Variants in ZFPM2 observed in about 807,000 individuals in gnomAD.
The protein encoded by ZFPM2 is zinc finger protein ZFPM2.
Under a neutral mutation model 98.6 loss-of-function variants are expected in ZFPM2, and 20 were observed. That is an observed-to-expected ratio of 0.20 (90% CI 0.14 to 0.29). The LOEUF (loss-of-function observed/expected upper bound fraction) is 0.29. ZFPM2 is among the 10% of genes least tolerant of loss of function. The pLI is 1.00. For missense variants in ZFPM2, 1,310 were observed against 1,388.6 expected (o/e 0.94, Z 0.90); for synonymous variants, 518 against 502.7 (o/e 1.03, Z -0.41).
chr8:105,801,558 C>T lies in ZFPM2; in HGVS notation c.1476C>T (p.Phe492=), dbSNP rs370112050. The change falls in exon 8 of 8, where the codon TTC becomes TTT. Residue 492 remains phenylalanine (F), a synonymous_variant. Coordinates refer to ENST00000407775, the MANE Select transcript of ZFPM2 (RefSeq NM_012082.4). The part of the protein sequence containing the change: ...SPVQPNIGPS[F]PVGPFLSQFS... ...TTCAGCCTAATATTGGGCCTTCTTT[C>T]CCTGTGGGCCCTTTCCTATCTCAGT... 2.5e-6 allele frequency: 4 copies of T among 1,613,918 alleles called. No homozygotes were observed. Among genetic ancestry groups the T allele is most frequent in the Non-Finnish European group, 3.4e-6 (4 of 1,179,850 alleles).
At chr8:105,415,603 G>A (rs1251870466) in intron 1 of ZFPM2, among the ~76,000 whole-genome samples, 4 of 151,884 alleles carry the variant, frequency 2.6e-5, no homozygotes, top group African/African-American at 4.8e-5. Context: ...TCCTTCATTG[G>A]TGCTATTAAT....
intron 5 of ZFPM2, among the ~76,000 whole-genome samples, chr8:105,681,498 T>C (rs1810599056): frequency 6.6e-6 from 1 of 152,194 alleles, no homozygotes; most frequent in Non-Finnish European, 1.5e-5. Context: ...TGTGATAAGG[T>C]ACATGATTGT....
chr8:105,802,612 A>G lies in ZFPM2; in HGVS notation c.2530A>G (p.Thr844Ala). ...GTGTTTATCTCAGTCTGAGCGGACG[A>G]CCACGTCTCCCAAAAGGCTGCTGGA... Reference protein sequence around the residue: ...KKCLSQSERTTTSPKRLLDYH... With the variant: ...KKCLSQSERTATSPKRLLDYH... The change falls in exon 8 of 8, where the codon ACC (threonine) becomes GCC (alanine). Residue 844 changes from threonine (T) to alanine (A), a missense_variant. Coordinates refer to ENST00000407775, the MANE Select transcript of ZFPM2 (RefSeq NM_012082.4). The G allele has an allele frequency of 6.2e-7, 1 of 1,610,690 alleles. No individual in the cohort carries two copies. Among genetic ancestry groups the G allele is most frequent in the Non-Finnish European group, 8.5e-7 (1 of 1,178,414 alleles).
chr8:105,563,657 T>C (rs1815185625), intron 4 of ZFPM2, among the ~76,000 whole-genome samples: 1 of 152,192 alleles, frequency 6.6e-6, no homozygotes. Context: ...CTAATGAATG[T>C]TAAGAAAGGC....
chr8:105,694,149 C>T (rs1299479695), intron 5 of ZFPM2, among the ~76,000 whole-genome samples: 1 of 151,408 alleles, frequency 6.6e-6, no homozygotes, highest in African/African-American at 2.4e-5. Flanking sequence ...ACTACGCCGG[C>T]TAATTTTTTT....
At chr8:105,505,107 C>T (rs73304130) in intron 3 of ZFPM2, among the ~76,000 whole-genome samples, 11,630 of 152,100 alleles carry the variant, frequency 0.076, 1,444 homozygotes, top group African/African-American at 0.26. Flanking sequence ...TGAATCCTGA[C>T]TCTTGACCAC....
intron 1 of ZFPM2, among the ~76,000 whole-genome samples, chr8:105,379,753 C>CA (rs5893740): frequency 0.024 from 3,016 of 125,660 alleles, 46 homozygotes; most frequent in Middle Eastern, 0.044. Flanking sequence ...AACTCTGTCT[C>CA]AAAAAAAAAA....
intron 3 of ZFPM2, among the ~76,000 whole-genome samples, chr8:105,550,957 A>T (rs1814838533): frequency 6.6e-6 from 1 of 152,184 alleles, no homozygotes; most frequent in South Asian, 2.1e-4. Flanking sequence ...AAGATATGCG[A>T]TTGTTAATCA....
At chr8:105,634,724 T>A (rs1296901123) in intron 5 of ZFPM2, among the ~76,000 whole-genome samples, 1 of 152,176 alleles carries the variant, frequency 6.6e-6, no homozygotes, top group Non-Finnish European at 1.5e-5. Flanking sequence ...CTTCTAAATT[T>A]AACAATTTGT....
chr8:105,424,312 T>A (rs117554530), intron 2 of ZFPM2, among the ~76,000 whole-genome samples: 1,574 of 152,240 alleles, frequency 0.01, 21 homozygotes, highest in South Asian at 0.062. Flanking sequence ...CAAAGTTGCT[T>A]TGGGAAGACG....
intron 3 of ZFPM2, among the ~76,000 whole-genome samples, chr8:105,496,840 C>T (rs1002898516): frequency 1.7e-4 from 26 of 149,548 alleles, no homozygotes; most frequent in African/African-American, 2.7e-4. Context: ...AAATTAGCTG[C>T]GCGTGGTGGC....
At chr8:105,446,456 C>A (rs1812371743) in intron 3 of ZFPM2, among the ~76,000 whole-genome samples, 1 of 152,078 alleles carries the variant, frequency 6.6e-6, no homozygotes, top group Non-Finnish European at 1.5e-5. Context: ...AAATGCCAAA[C>A]ACATGCTGTA....
At chr8:105,693,980 CTTTTTTTTTTTTT>C (rs376834507) in intron 5 of ZFPM2, among the ~76,000 whole-genome samples, 41 of 118,410 alleles carry the variant, frequency 3.5e-4, no homozygotes, top group East Asian at 4.9e-4. Flanking sequence ...TTTTTCTTTT[CTTTTTTTTTTTTT>C]TTTTTTTTTG....
intron 1 of ZFPM2, among the ~76,000 whole-genome samples, chr8:105,367,046 G>C: frequency 7.5e-6 from 1 of 134,058 alleles, no homozygotes; most frequent in Non-Finnish European, 1.6e-5. Context: ...GGTATGTGGC[G>C]TTATTTCTGA....
intron 5 of ZFPM2, among the ~76,000 whole-genome samples, chr8:105,669,707 C>T (rs1215586353): frequency 6.6e-6 from 1 of 152,036 alleles, no homozygotes; most frequent in Non-Finnish European, 1.5e-5. Context: ...GCAATATTTA[C>T]AAATATTATT....
chr8:105,320,208 A>G (rs1301765437), intron 1 of ZFPM2, among the ~76,000 whole-genome samples: 2 of 151,540 alleles, frequency 1.3e-5, no homozygotes, highest in Non-Finnish European at 2.9e-5. Context: ...TGTCCTTGAA[A>G]TGGGGGCCAG....
chr8:105,748,810 A>G (rs1278210333), intron 5 of ZFPM2, among the ~76,000 whole-genome samples: 3 of 152,104 alleles, frequency 2.0e-5, no homozygotes, highest in Admixed American at 2.0e-4. Flanking sequence ...ATGCATTGAC[A>G]AAGCTGCAGA....
intron 3 of ZFPM2, among the ~76,000 whole-genome samples, chr8:105,483,282 G>A (rs1813160889): frequency 6.6e-6 from 1 of 151,870 alleles, no homozygotes; most frequent in African/African-American, 2.4e-5. Flanking sequence ...TAATAAATTG[G>A]CTATATTAAA....
intron 1 of ZFPM2, among the ~76,000 whole-genome samples, chr8:105,374,135 A>G (rs1396651744): frequency 6.6e-6 from 1 of 152,174 alleles, no homozygotes; most frequent in Non-Finnish European, 1.5e-5. Flanking sequence ...CAATTCAGTA[A>G]TATGTAGGTT....
Sources: gnomAD v4.1 joint callset for allele counts (sites outside exome capture counted in the v4.1 genomes callset) on GRCh38, gnomAD v4.1.1 for gene constraint, MANE v1.5 for transcripts, NCBI Gene and HGNC (gene_info 2026-07-23, HGNC 2026-07-21) for gene names.